The following GRM7 variants were observed in gnomAD, a reference collection of about 807,000 sequenced individuals.
GRM7 encodes metabotropic glutamate receptor 7.
Under a neutral mutation model 84.5 loss-of-function variants are expected in GRM7, and 35 were observed. The observed-to-expected ratio is 0.41, with a 90% CI of 0.32 to 0.55. The LOEUF (loss-of-function observed/expected upper bound fraction) is 0.55, where lower values mean the gene tolerates loss of function less well. Among genes scored for constraint, GRM7 ranks in the 20% least tolerant of loss-of-function variants. The pLI, the probability that GRM7 is intolerant of heterozygous loss-of-function variation, is 0.19. For synonymous variants in GRM7, 487 were observed against 455.1 expected (o/e 1.07, Z -0.89); for missense variants, 1,003 against 1,194.6 (o/e 0.84, Z 2.36).
intron 8 of GRM7, among the ~76,000 whole-genome samples, chr3:7,623,188 G>T (rs752404025): frequency 1.3e-5 from 2 of 152,072 alleles, no homozygotes; most frequent in Non-Finnish European, 2.9e-5. Flanking sequence ...GTGCATCCAT[G>T]GAAGGAATGA....
intron 1 of GRM7, among the ~76,000 whole-genome samples, chr3:7,105,332 C>T (rs991354463): frequency 1.3e-5 from 2 of 151,884 alleles, no homozygotes; most frequent in Non-Finnish European, 2.9e-5. Flanking sequence ...TCTTTGTCTA[C>T]AACCATCTAT....
At position 7,578,629 on chromosome 3, in the gene GRM7, G is replaced by C. The variant is rs893059495; in HGVS notation, c.1723G>C (p.Gly575Arg). Reference protein sequence around the residue: ...YDQRPNENRTGCQDIPIIKLE... With the variant: ...YDQRPNENRTRCQDIPIIKLE... The stretch of plus-strand genomic sequence containing the variant: ...CCAGAGGCCCAATGAAAATCGAACC[G>C]GATGCCAGGATATTCCCATCATCAA... Residue 575 changes from glycine (G) to arginine (R), a missense_variant, in exon 8 of 10, where the codon GGA (glycine) becomes CGA (arginine). Physicochemically the swap from Gly to Arg is moderately radical, Grantham distance 125. Transcript: ENST00000357716. The C allele has an allele frequency of 1.2e-6, 2 of 1,613,676 alleles. No homozygotes were observed. Among genetic ancestry groups the C allele is most frequent in the African/African-American group, 1.3e-5 (1 of 74,862 alleles).
At chr3:7,250,195 A>C (rs927422533) in intron 2 of GRM7, among the ~76,000 whole-genome samples, 1 of 152,182 alleles carries the variant, frequency 6.6e-6, no homozygotes, top group Non-Finnish European at 1.5e-5. Flanking sequence ...AAATCCAAAA[A>C]TAAAAAATAA....
rs115968102 is a variant in GRM7 at position 7,105,618 on chromosome 3, T to C, written c.520-40834T>C. On this transcript the variant is annotated intron_variant, in intron 1 of 9. Coordinates refer to ENST00000357716, the MANE Select transcript of GRM7 (RefSeq NM_000844.4). ...CTTATTTAAGAATTGTTGTGGGATG[T>C]TGGAAATTTTAATGATTCTTATTTA... 4.3e-3 allele frequency among the ~76,000 whole-genome samples: 654 copies of C among 152,046 alleles called. 5 individuals are homozygous for C. The highest frequency in any genetic ancestry group is 0.015 in the African/African-American group (626 of 41,546).
At chr3:7,251,428 CAAA>C (rs1042029839) in intron 2 of GRM7, among the ~76,000 whole-genome samples, 1 of 150,710 alleles carries the variant, frequency 6.6e-6, no homozygotes, top group South Asian at 2.1e-4. Context: ...TTTTTTTTCA[CAAA>C]AAAAGTATTG....
chr3:7,116,151 C>T (rs1344086836), intron 1 of GRM7, among the ~76,000 whole-genome samples: 1 of 152,110 alleles, frequency 6.6e-6, no homozygotes, highest in Non-Finnish European at 1.5e-5. Context: ...ACTGTACCAA[C>T]AGAGTCTGGT....
chr3:7,415,942 T>C (rs1023713265), intron 5 of GRM7, among the ~76,000 whole-genome samples: 4 of 152,142 alleles, frequency 2.6e-5, no homozygotes, highest in Non-Finnish European at 5.9e-5. Flanking sequence ...TTTACTAATG[T>C]TGAAGGTAGA....
At chr3:7,179,245 A>G (rs1044498294) in intron 2 of GRM7, among the ~76,000 whole-genome samples, 4 of 152,210 alleles carry the variant, frequency 2.6e-5, no homozygotes, top group East Asian at 1.9e-4. Context: ...CTAACTCCCA[A>G]CTGCACCGAC....
intron 9 of GRM7, among the ~76,000 whole-genome samples, chr3:7,711,943 A>T (rs1701594628): frequency 6.6e-6 from 1 of 152,238 alleles, no homozygotes; most frequent in Non-Finnish European, 1.5e-5. Flanking sequence ...AAGATATTTC[A>T]AGATTTTTGC....
intron 1 of GRM7, among the ~76,000 whole-genome samples, chr3:6,953,483 C>G (rs1162392244): frequency 6.6e-6 from 1 of 152,222 alleles, no homozygotes; most frequent in East Asian, 1.9e-4. Flanking sequence ...TTAACCCCTT[C>G]TAAAATATAT....
chr3:7,299,423 G>A (rs894214552), intron 3 of GRM7, among the ~76,000 whole-genome samples: 1 of 152,006 alleles, frequency 6.6e-6, no homozygotes, highest in Non-Finnish European at 1.5e-5. Flanking sequence ...CTACCAACCT[G>A]GTCCGGAGTC....
At chr3:7,686,475 A>G in intron 9 of GRM7, 1 of 969,420 alleles carries the variant, frequency 1.0e-6, no homozygotes, top group Non-Finnish European at 1.7e-6. Flanking sequence ...ATTCTTATTT[A>G]TTTATGTGTT....
intron 7 of GRM7, among the ~76,000 whole-genome samples, chr3:7,492,907 T>C (rs1699574314): frequency 6.6e-6 from 1 of 152,112 alleles, no homozygotes; most frequent in African/African-American, 2.4e-5. Context: ...CCATGATATT[T>C]TTTTTCCTTG....
intron 2 of GRM7, among the ~76,000 whole-genome samples, chr3:7,222,062 G>A (rs531875073): frequency 2.1e-4 from 32 of 152,018 alleles, no homozygotes; most frequent in Non-Finnish European, 3.8e-4. Context: ...GCCCATCTCA[G>A]CCTCCCAAAG....
At chr3:7,451,933 G>A (rs1697785181) in intron 5 of GRM7, 1 of 152,404 alleles carries the variant, frequency 6.6e-6, no homozygotes, top group Non-Finnish European at 1.5e-5. Flanking sequence ...AGTTTGCAAA[G>A]GTGAACGTGG....
intron 2 of GRM7, among the ~76,000 whole-genome samples, chr3:7,245,542 T>G (rs933085102): frequency 3.3e-5 from 5 of 151,672 alleles, no homozygotes; most frequent in African/African-American, 1.2e-4. Flanking sequence ...AAACAAAAAG[T>G]AAAAGTAAAA....
At chr3:7,649,908 C>A (rs927382336) in intron 8 of GRM7, among the ~76,000 whole-genome samples, 1 of 151,846 alleles carries the variant, frequency 6.6e-6, no homozygotes, top group African/African-American at 2.4e-5. Context: ...TCTGTAATAA[C>A]AGCTAATTTC....
At chr3:6,871,098 T>C (rs1397910455) in intron 1 of GRM7, among the ~76,000 whole-genome samples, 2 of 152,204 alleles carry the variant, frequency 1.3e-5, no homozygotes, top group African/African-American at 4.8e-5. Context: ...AATCCTGTAG[T>C]TTGTTTCTGC....
chr3:7,586,385 T>G lies in GRM7; in HGVS notation c.2451+7028T>G, dbSNP rs529878729. On this transcript the variant is annotated intron_variant, in intron 8 of 9. Coordinates refer to ENST00000357716, the MANE Select transcript of GRM7 (RefSeq NM_000844.4). Reference sequence around the variant, plus strand: ...CATGTAAAGACTTGTACATGAGGGGTTTTTTTTTTTGTAGCTTTATTTCTA... The same window carrying G: ...CATGTAAAGACTTGTACATGAGGGGGTTTTTTTTTTGTAGCTTTATTTCTA... Among the ~76,000 whole-genome samples, 15 of 113,660 alleles carry G rather than the reference T, an allele frequency of 1.3e-4. No individual in the cohort carries two copies. In the South Asian group the frequency reaches 1.4e-3, roughly 11 times the overall value. 74.6% of individuals were successfully genotyped at this position (113,660 alleles called of 152,430 possible). A position where few individuals can be genotyped will look rare whatever the true frequency, so the allele number is the denominator to read the frequency against.
Sources: allele counts gnomAD v4.1 joint callset (sites outside exome capture counted in the v4.1 genomes callset), GRCh38; gene constraint gnomAD v4.1.1; transcripts MANE v1.5; gene names NCBI Gene and HGNC (gene_info 2026-07-23, HGNC 2026-07-21).